Variants in CMSS1 observed in about 807,000 individuals in gnomAD.
CMSS1 encodes protein CMSS1.
CMSS1 carries 33 observed loss-of-function variants against 43.5 expected under a neutral mutation model. The ratio of observed to expected loss-of-function variants is 0.76; its 90% CI spans 0.57 to 1.01. The LOEUF (loss-of-function observed/expected upper bound fraction) is 1.01. CMSS1 is among the 50% of genes least tolerant of loss of function. The pLI is 0.00. For missense variants in CMSS1, 313 were observed against 326.4 expected, an observed-to-expected ratio of 0.96 and a Z score of 0.32; for synonymous variants, 115 against 117.2, an observed-to-expected ratio of 0.98 and a Z score of 0.12.
At chr3:99,903,532 G>A (rs1706511568) in intron 1 of CMSS1, among the ~76,000 whole-genome samples, 2 of 152,150 alleles carry the variant, frequency 1.3e-5, no homozygotes, top group African/African-American at 4.8e-5. Flanking sequence ...TTACAGGCGT[G>A]AGCCACCGCG....
At position 100,048,300 on chromosome 3, in the gene CMSS1, T is replaced by G. The variant is rs555353139; in HGVS notation, c.65-98673T>G. On this transcript the variant is annotated intron_variant, in intron 1 of 9. Transcript: ENST00000421999. ...GTTTATCCCTTAATTTGGTTATGCT[T>G]TAGTCCCAGAGGCCCCTCATTTCTC... is the stretch of plus-strand genomic sequence containing the variant. Among the ~76,000 whole-genome samples, 6 of 152,350 alleles carry G rather than the reference T, an allele frequency of 3.9e-5. No homozygotes were observed. In the South Asian group the frequency reaches 1.2e-3, roughly 32 times the overall value.
chr3:100,172,997 C>A (rs1000585113), intron 8 of CMSS1, among the ~76,000 whole-genome samples: 4 of 152,116 alleles, frequency 2.6e-5, no homozygotes, highest in Non-Finnish European at 4.4e-5. Context: ...TGAATGATTT[C>A]TTTTCAATAC....
At chr3:100,063,614 T>G (rs1259007308) in intron 1 of CMSS1, among the ~76,000 whole-genome samples, 1 of 152,236 alleles carries the variant, frequency 6.6e-6, no homozygotes, top group African/African-American at 2.4e-5. Flanking sequence ...GGTAGTCTTT[T>G]AAAAGTTATT....
chr3:100,134,751 T>G (rs148053322), intron 1 of CMSS1, among the ~76,000 whole-genome samples: 1 of 152,170 alleles, frequency 6.6e-6, no homozygotes, highest in East Asian at 1.9e-4. Context: ...GCCGGCCACA[T>G]GTAGATGAAT....
intron 1 of CMSS1, among the ~76,000 whole-genome samples, chr3:99,933,702 G>A (rs964254481): frequency 1.1e-4 from 16 of 152,088 alleles, no homozygotes; most frequent in African/African-American, 3.9e-4. Context: ...TTATAGGTAT[G>A]TTCACAGATT....
chr3:100,135,449 T>C (rs796741398), intron 1 of CMSS1, among the ~76,000 whole-genome samples: 29 of 125,410 alleles, frequency 2.3e-4, no homozygotes, highest in African/African-American at 8.6e-4. Flanking sequence ...TGTGTGTGTG[T>C]GTGTGTGTGT....
intron 1 of CMSS1, among the ~76,000 whole-genome samples, chr3:99,888,853 A>G (rs777164110): frequency 2.4e-4 from 36 of 152,148 alleles, no homozygotes; most frequent in Non-Finnish European, 3.5e-4. Flanking sequence ...TTTTCTCTCC[A>G]TGATCTTATT....
At chr3:99,946,195 G>T (rs758503445) in intron 1 of CMSS1, among the ~76,000 whole-genome samples, 1 of 152,172 alleles carries the variant, frequency 6.6e-6, no homozygotes, top group Non-Finnish European at 1.5e-5. Flanking sequence ...AAAAAATTGG[G>T]TATGTCTATT....
chr3:99,825,780 T>TC (rs1339777903), intron 1 of CMSS1, among the ~76,000 whole-genome samples: 1 of 148,044 alleles, frequency 6.8e-6, no homozygotes, highest in African/African-American at 2.5e-5. Context: ...TTTTTCTTTT[T>TC]TTTTTTTTTT....
intron 1 of CMSS1, among the ~76,000 whole-genome samples, chr3:99,886,994 G>T (rs545485866): frequency 1.4e-5 from 2 of 142,986 alleles, no homozygotes; most frequent in African/African-American, 5.2e-5. Context: ...AGTACTGGCC[G>T]GGTGTGGTGG....
chr3:100,156,299 CT>C (rs34413816), intron 2 of CMSS1, among the ~76,000 whole-genome samples: 345 of 73,102 alleles, frequency 4.7e-3, no homozygotes, highest in African/African-American at 0.014. Context: ...AATTTTTTTT[CT>C]TTTTTTTTTT....
intron 1 of CMSS1, among the ~76,000 whole-genome samples, chr3:100,038,569 A>T (rs769347072): frequency 6.6e-6 from 1 of 152,234 alleles, no homozygotes; most frequent in Non-Finnish European, 1.5e-5. Context: ...AATAACCTAA[A>T]TGTACTTTTG....
chr3:100,026,984 G>A (rs1350298949), intron 1 of CMSS1, among the ~76,000 whole-genome samples: 4 of 152,064 alleles, frequency 2.6e-5, no homozygotes, highest in Non-Finnish European at 5.9e-5. Context: ...CCTCACATAT[G>A]CCAGCTCATT....
At chr3:99,937,044 T>C (rs1707700369) in intron 1 of CMSS1, among the ~76,000 whole-genome samples, 1 of 151,990 alleles carries the variant, frequency 6.6e-6, no homozygotes, top group Non-Finnish European at 1.5e-5. Context: ...TTCAAGCAAT[T>C]TTCCTGCCTC....
intron 1 of CMSS1, among the ~76,000 whole-genome samples, chr3:100,036,845 G>C (rs926923763): frequency 6.6e-6 from 1 of 152,162 alleles, no homozygotes; most frequent in Admixed American, 6.5e-5. Context: ...TTGACATCTT[G>C]TGCTTCTTGA....
At chr3:99,988,138 C>A (rs553588020) in intron 1 of CMSS1, among the ~76,000 whole-genome samples, 1 of 151,942 alleles carries the variant, frequency 6.6e-6, no homozygotes, top group African/African-American at 2.4e-5. Context: ...TATAAGTGAA[C>A]AAAAGCTAAA....
chr3:100,008,283 T>C (rs2107185887), intron 1 of CMSS1, among the ~76,000 whole-genome samples: 1 of 152,256 alleles, frequency 6.6e-6, no homozygotes, highest in South Asian at 2.1e-4. Flanking sequence ...AGCAATAGCA[T>C]AGACTTGAAC....
In CMSS1 at chr3:100,074,908, G is replaced by T. The variant is rs2065826024; in HGVS notation, c.65-72065G>T. 3.3e-5 allele frequency among the ~76,000 whole-genome samples: 5 copies of T among 151,598 alleles called. No individual in the cohort carries two copies. The South Asian group carries it at 8.3e-4, about 25-fold the overall frequency. On this transcript the variant is annotated intron_variant, in intron 1 of 9. Coordinates refer to ENST00000421999, the MANE Select transcript of CMSS1 (RefSeq NM_032359.4). ...AGGGTTTCGCCGTGTTGGCCAGGCT[G>T]GTCTCGAACTCCTGACCTCAAGTGA...
At chr3:99,992,289 A>T (rs1003434492) in intron 1 of CMSS1, among the ~76,000 whole-genome samples, 1 of 152,114 alleles carries the variant, frequency 6.6e-6, no homozygotes, top group Admixed American at 6.6e-5. Flanking sequence ...TCCCATCAAC[A>T]GTATATAAGT....
Sources: allele counts gnomAD v4.1 joint callset (sites outside exome capture counted in the v4.1 genomes callset), GRCh38; gene constraint gnomAD v4.1.1; transcripts MANE v1.5; gene names NCBI Gene and HGNC (gene_info 2026-07-23, HGNC 2026-07-21).